LPP: variants seen among roughly 807,000 people sequenced by gnomAD.
LPP encodes the protein lipoma-preferred partner.
LPP carries 38 observed loss-of-function variants against 60.4 expected under a neutral mutation model. That is an observed-to-expected ratio of 0.63 (90% CI 0.49 to 0.83). The LOEUF is 0.83. Among genes scored for constraint, LPP ranks in the 40% least tolerant of loss-of-function variants. The pLI is 0.00. For missense variants in LPP, 902 were observed against 783.6 expected, an observed-to-expected ratio of 1.15 and a Z score of -1.80; for synonymous variants, 328 against 290.8, an observed-to-expected ratio of 1.13 and a Z score of -1.30.
chr3:188,705,607 T>A (rs962445575), intron 7 of LPP, among the ~76,000 whole-genome samples: 1 of 151,692 alleles, frequency 6.6e-6, no homozygotes, highest in African/African-American at 2.4e-5. Context: ...ATATATATAA[T>A]TTTTTTTAAT....
rs116082822 is a variant in LPP, at chr3:188,322,413, G to A, written c.-66-19250G>A. On this transcript the variant is annotated intron_variant, in intron 2 of 11. Coordinates refer to ENST00000617246, the MANE Select transcript of LPP (RefSeq NM_001375462.1). ...TGATGTCATTTTCTCAGAGCCCTGA[G>A]CTGGGAAATTCAAGAGTCTCCATGA... Among the ~76,000 whole-genome samples, 877 of 152,272 alleles carry A rather than the reference G, an allele frequency of 5.8e-3. 10 individuals carry two copies. The highest frequency in any genetic ancestry group is 0.02 in the African/African-American group (849 of 41,550).
intron 2 of LPP, among the ~76,000 whole-genome samples, chr3:188,274,388 G>A (rs914036064): frequency 1.3e-4 from 20 of 152,288 alleles, no homozygotes; most frequent in Admixed American, 8.5e-4. Context: ...ATTCCTTGAG[G>A]TCAAGAGCTG....
intron 7 of LPP, among the ~76,000 whole-genome samples, chr3:188,675,258 T>C (rs1358035134): frequency 6.6e-6 from 1 of 152,154 alleles, no homozygotes; most frequent in Admixed American, 6.5e-5. Flanking sequence ...TAGGGTATAC[T>C]GGGAAGTTCT....
At chr3:188,309,997 C>A (rs1319556917) in intron 2 of LPP, among the ~76,000 whole-genome samples, 1 of 151,566 alleles carries the variant, frequency 6.6e-6, no homozygotes, top group East Asian at 1.9e-4. Flanking sequence ...ATTGATAATA[C>A]CCATAACAGA....
At chr3:188,760,354 T>C in intron 9 of LPP, 72 bp downstream of exon 9, 4 of 1,497,050 alleles carry the variant, frequency 2.7e-6, no homozygotes, top group Non-Finnish European at 3.7e-6. Context: ...TCACTCTAGA[T>C]AGAATATAGC....
At position 188,539,936 on chromosome 3, in the gene LPP, G is replaced by A. The variant is rs563549612; in HGVS notation, c.429+15149G>A. ...CTGTTTCCTCATATAAAACTTGGAA[G>A]GAAGAACAGAAGACCTTCATTCTGT... On this transcript the variant is annotated intron_variant, in intron 6 of 11. Transcript: ENST00000617246. 2.6e-5 allele frequency among the ~76,000 whole-genome samples: 4 copies of A among 152,222 alleles called. No individual in the cohort carries two copies. The East Asian group carries it at 7.7e-4, about 29-fold the overall frequency.
Position 188,879,376 on chromosome 3 carries a change from A to T in LPP, c.*4897A>T, listed in dbSNP as rs1769656142. On this transcript the variant is annotated 3_prime_UTR_variant, in exon 12 of 12. Coordinates refer to ENST00000617246, the MANE Select transcript of LPP (RefSeq NM_001375462.1). ...AATTAAATCAATGCATTATGATTTT[A>T]GGGAATTATGATTATATTCATAAGG... 1 of 218,026 alleles carries T rather than the reference A, an allele frequency of 4.6e-6. No individual in the cohort carries two copies. Among genetic ancestry groups the T allele is most frequent in the Non-Finnish European group, 9.2e-6 (1 of 108,600 alleles). The allele number at this position is 218,026 out of a possible 1,614,324, so 13.5% of individuals were successfully genotyped here.
intron 10 of LPP, among the ~76,000 whole-genome samples, chr3:188,870,768 G>A (rs1578084224): frequency 6.6e-6 from 1 of 152,168 alleles, no homozygotes; most frequent in Non-Finnish European, 1.5e-5. Context: ...GGAACACTGT[G>A]GGGACTATGA....
chr3:188,453,686 A>G (rs955964941), intron 4 of LPP, among the ~76,000 whole-genome samples: 3 of 151,884 alleles, frequency 2.0e-5, no homozygotes, highest in Non-Finnish European at 4.4e-5. Context: ...TACTTCCACA[A>G]ATCTATTCTA....
At chr3:188,573,768 A>G (rs1217766374) in intron 6 of LPP, among the ~76,000 whole-genome samples, 4 of 152,094 alleles carry the variant, frequency 2.6e-5, no homozygotes, top group Admixed American at 2.0e-4. Context: ...CTCCTAAAAC[A>G]GGAAGCCAGT....
intron 6 of LPP, among the ~76,000 whole-genome samples, chr3:188,534,682 C>T (rs770109377): frequency 9.9e-5 from 15 of 152,138 alleles, no homozygotes; most frequent in Non-Finnish European, 1.6e-4. Flanking sequence ...AGAGAAAAAG[C>T]CGTGTCTCAG....
intron 4 of LPP, among the ~76,000 whole-genome samples, chr3:188,443,559 TG>T (rs1365478346): frequency 6.6e-6 from 1 of 152,248 alleles, no homozygotes; most frequent in Non-Finnish European, 1.5e-5. Context: ...AGGACTGTTA[TG>T]ATCTCACTTT....
Position 188,794,893 on chromosome 3 carries a change from T to G in LPP, c.1410+34611T>G, listed in dbSNP as rs1744874633. ...AGGCTCATGCCTGTAATCCCAGCAC[T>G]TTGGGATGCCAAGGCAGGAGGATCA... On this transcript the variant is annotated intron_variant, in intron 9 of 11. Transcript: ENST00000617246. 2.0e-5 allele frequency among the ~76,000 whole-genome samples: 3 copies of G among 152,166 alleles called. No individual in the cohort carries two copies. The South Asian group carries it at 6.2e-4, about 32-fold the overall frequency.
At chr3:188,242,005 A>G (rs903126769) in intron 2 of LPP, among the ~76,000 whole-genome samples, 1 of 152,166 alleles carries the variant, frequency 6.6e-6, no homozygotes, top group Non-Finnish European at 1.5e-5. Flanking sequence ...CTTGAGTTAC[A>G]GTGAGTGATG....
In LPP at chr3:188,478,513, C is replaced by A. The variant is rs189563156; in HGVS notation, c.194-6079C>A. Among the ~76,000 whole-genome samples, 68 of 151,842 alleles carry A rather than the reference C, an allele frequency of 4.5e-4. 1 individual carries two copies. The highest frequency in any genetic ancestry group is 3.4e-3 in the Middle Eastern group (1 of 294). On this transcript the variant is annotated intron_variant, in intron 4 of 11. Transcript: ENST00000617246. ...ATATTTTTTTAATCTAGGTTGTGGT[C>A]AAAAAGTTTCAGACTTACTGTGTTA...
At chr3:188,636,346 G>A (rs565585000) in intron 7 of LPP, among the ~76,000 whole-genome samples, 146 of 152,282 alleles carry the variant, frequency 9.6e-4, no homozygotes, top group Middle Eastern at 3.4e-3. Context: ...GCGCTTTTCC[G>A]ACGGGCTTAA....
intron 9 of LPP, among the ~76,000 whole-genome samples, chr3:188,764,537 C>T (rs1206304491): frequency 6.6e-6 from 1 of 151,924 alleles, no homozygotes; most frequent in Non-Finnish European, 1.5e-5. Flanking sequence ...AATATAAGGA[C>T]ACATATTAAA....
intron 6 of LPP, among the ~76,000 whole-genome samples, chr3:188,545,183 AGCATG>A (rs1826253704): frequency 7.3e-6 from 1 of 137,000 alleles, no homozygotes; most frequent in South Asian, 2.6e-4. Context: ...GCAGCGTACC[AGCATG>A]GCACATGTAT....
chr3:188,786,148 G>A (rs1339670535), intron 9 of LPP, among the ~76,000 whole-genome samples: 1 of 152,032 alleles, frequency 6.6e-6, no homozygotes, highest in Non-Finnish European at 1.5e-5. Context: ...GGGAGGCTGA[G>A]GCGGGTGGAT....
Sources: gnomAD v4.1 joint callset for allele counts (sites outside exome capture counted in the v4.1 genomes callset) on GRCh38, gnomAD v4.1.1 for gene constraint, MANE v1.5 for transcripts, NCBI Gene and HGNC (gene_info 2026-07-23, HGNC 2026-07-21) for gene names.